Variants in MED27 observed in about 807,000 individuals in gnomAD.
The protein encoded by MED27 is mediator of RNA polymerase II transcription subunit 27.
In MED27, 30 loss-of-function variants were observed where a neutral mutation model predicts 38.2. The observed-to-expected ratio is 0.79, with a 90% confidence interval of 0.59 to 1.07. MED27 has a LOEUF of 1.07. Among genes scored for constraint, MED27 ranks in the 50% least tolerant of loss-of-function variants. The pLI is 0.00. For missense variants in MED27, 289 were observed against 397.5 expected, an observed-to-expected ratio of 0.73 and a Z score of 2.32; for synonymous variants, 122 against 153.5, an observed-to-expected ratio of 0.79 and a Z score of 1.52.
chr9:131,943,506 A>C (rs1331398335), intron 3 of MED27, among the ~76,000 whole-genome samples: 1 of 152,172 alleles, frequency 6.6e-6, no homozygotes, highest in African/African-American at 2.4e-5. Context: ...AGCAGGGCTA[A>C]GGACAGGTAG....
intron 4 of MED27, among the ~76,000 whole-genome samples, chr9:131,928,460 T>C (rs1390304170): frequency 6.6e-5 from 10 of 152,196 alleles, no homozygotes; most frequent in Non-Finnish European, 5.9e-5. Flanking sequence ...GAAAGAGGCA[T>C]TGAAAAGAGG....
chr9:132,073,881 C>T lies in MED27; in HGVS notation c.348+3561G>A, dbSNP rs1359184055. On this transcript the variant is annotated intron_variant, in intron 2 of 7. Coordinates refer to ENST00000292035, the MANE Select transcript of MED27 (RefSeq NM_004269.4). ...TCAGATGTTGCCAGGGAAAGGCGGA[C>T]GTCTTAGTCTGCTTTTCCAGGCAAA... 16 of 1,169,330 alleles carry T rather than the reference C, an allele frequency of 1.4e-5. No homozygotes were observed. In the African/African-American group the frequency reaches 1.6e-4, roughly 12 times the overall value. The allele number at this position is 1,169,330 out of a possible 1,614,324, so 72.4% of individuals were successfully genotyped here.
chr9:131,967,729 C>T (rs915833229), intron 3 of MED27, among the ~76,000 whole-genome samples: 3 of 151,026 alleles, frequency 2.0e-5, no homozygotes, highest in African/African-American at 7.3e-5. Context: ...CTCAAACTCC[C>T]GACCTCAGGT....
intron 3 of MED27, among the ~76,000 whole-genome samples, chr9:131,981,961 C>T (rs1831746969): frequency 6.6e-6 from 1 of 152,130 alleles, no homozygotes; most frequent in East Asian, 1.9e-4. Flanking sequence ...TACCCCAGAC[C>T]CTCCCCTGAC....
intron 3 of MED27, among the ~76,000 whole-genome samples, chr9:131,969,705 G>C (rs542237199): frequency 4.6e-5 from 7 of 152,314 alleles, no homozygotes; most frequent in Admixed American, 4.6e-4. Flanking sequence ...GCCACACACA[G>C]AGCTCAGAGG....
At chr9:131,949,376 C>T (rs7873624) in intron 3 of MED27, among the ~76,000 whole-genome samples, 6 of 152,116 alleles carry the variant, frequency 3.9e-5, no homozygotes, top group African/African-American at 1.2e-4. Flanking sequence ...CTCTTTGCCT[C>T]GCTCAATCTC....
intron 4 of MED27, among the ~76,000 whole-genome samples, chr9:131,905,701 C>CAAAAAAAAA (rs58848280): frequency 3.3e-5 from 2 of 60,922 alleles, no homozygotes; most frequent in Non-Finnish European, 5.5e-5. Flanking sequence ...AAGACCTTGT[C>CAAAAAAAAA]AAAAAAAAAA....
intron 3 of MED27, among the ~76,000 whole-genome samples, chr9:131,998,182 C>T (rs564962559): frequency 1.9e-4 from 29 of 151,574 alleles, no homozygotes; most frequent in African/African-American, 6.1e-4. Flanking sequence ...AGGGAAGGAG[C>T]GCACTTGGGG....
intron 3 of MED27, among the ~76,000 whole-genome samples, chr9:131,987,803 A>G (rs1050059339): frequency 6.6e-6 from 1 of 152,242 alleles, no homozygotes; most frequent in African/African-American, 2.4e-5. Context: ...GGTACAAGAA[A>G]ACCTCATTAA....
intron 2 of MED27, among the ~76,000 whole-genome samples, chr9:132,056,991 G>A (rs111638387): frequency 1.3e-5 from 2 of 152,334 alleles, no homozygotes; most frequent in Non-Finnish European, 2.9e-5. Flanking sequence ...TCATGAGGAA[G>A]CAGAGACAAG....
At chr9:132,035,195 C>A (rs548776254) in intron 2 of MED27, among the ~76,000 whole-genome samples, 3 of 152,308 alleles carry the variant, frequency 2.0e-5, no homozygotes, top group Admixed American at 1.3e-4. Flanking sequence ...CACAGCTGAT[C>A]CCAGGTCCAA....
In MED27 at chr9:131,997,672, T is replaced by TA. The variant is rs1207079111; in HGVS notation, c.479+16664dup. On this transcript the variant is annotated intron_variant, in intron 3 of 7. Transcript: ENST00000292035. This position sits in a 1 kb window ranked among gnomAD's most constrained non-coding sequence, Gnocchi z 4.0. ...GAGAACCTAATCCTCTGCCTTGTAC[T>TA]ACAGCTGAGACATACAGATTCCGGG... is the stretch of plus-strand genomic sequence containing the variant. Among the ~76,000 whole-genome samples, 1 of 152,232 alleles carries TA rather than the reference T, an allele frequency of 6.6e-6. No homozygotes were observed. Among genetic ancestry groups the TA allele is most frequent in the Non-Finnish European group, 1.5e-5 (1 of 68,040 alleles).
chr9:131,927,863 C>T (rs889170382), intron 4 of MED27, among the ~76,000 whole-genome samples: 1 of 152,144 alleles, frequency 6.6e-6, no homozygotes, highest in Non-Finnish European at 1.5e-5. Flanking sequence ...GGACCTGCCA[C>T]GAGGGACAAA....
intron 4 of MED27, among the ~76,000 whole-genome samples, chr9:131,937,107 C>A (rs560183235): frequency 6.6e-6 from 1 of 152,172 alleles, no homozygotes; most frequent in Non-Finnish European, 1.5e-5. Flanking sequence ...ATCTGTTGGT[C>A]CTGCTCCCCC....
chr9:132,046,359 C>T lies in MED27; in HGVS notation c.348+31083G>A, dbSNP rs2131128568. On this transcript the variant is annotated intron_variant, in intron 2 of 7. Coordinates refer to ENST00000292035, the MANE Select transcript of MED27 (RefSeq NM_004269.4). ...ACAAAAGTATACTGAAACAGGCCAA[C>T]TAATATTGCTATGGAATATAAACTG... Among the ~76,000 whole-genome samples the T allele has an allele frequency of 1.3e-5, 2 of 151,920 alleles. 1 individual carries two copies. Among genetic ancestry groups the T allele is most frequent in the Middle Eastern group, 6.8e-3 (2 of 294 alleles).
intron 3 of MED27, among the ~76,000 whole-genome samples, chr9:132,007,185 T>C (rs1298926333): frequency 6.6e-6 from 1 of 152,152 alleles, no homozygotes. Context: ...GCAACACTTG[T>C]CACTGCATGC....
At chr9:132,052,930 T>C (rs1833494987) in intron 2 of MED27, among the ~76,000 whole-genome samples, 1 of 152,184 alleles carries the variant, frequency 6.6e-6, no homozygotes, top group Non-Finnish European at 1.5e-5. Context: ...TTCCATTCTT[T>C]ATGAGTGTGC....
At chr9:131,946,852 T>G (rs1830895683) in intron 3 of MED27, among the ~76,000 whole-genome samples, 1 of 152,240 alleles carries the variant, frequency 6.6e-6, no homozygotes, top group Non-Finnish European at 1.5e-5. Flanking sequence ...TAAATGATGC[T>G]TCCTCAGGGA....
At chr9:132,079,009 G>A (rs1011993354) in intron 1 of MED27, among the ~76,000 whole-genome samples, 2 of 152,212 alleles carry the variant, frequency 1.3e-5, no homozygotes, top group Admixed American at 6.5e-5. Context: ...GGGGCGTTAA[G>A]CATAAGTAAT....
Sources: gnomAD v4.1 joint callset for allele counts (sites outside exome capture counted in the v4.1 genomes callset) on GRCh38, gnomAD v4.1.1 for gene constraint, Gnocchi (gnomAD v3.1) non-coding constraint, MANE v1.5 for transcripts, NCBI Gene and HGNC (gene_info 2026-07-23, HGNC 2026-07-21) for gene names.